The following GHR variants were observed in gnomAD, a reference collection of about 807,000 sequenced individuals.
The protein encoded by GHR is GH receptor.
In GHR, 35 loss-of-function variants were observed where a neutral mutation model predicts 67.1. That is an observed-to-expected ratio of 0.52 (90% CI 0.40 to 0.69). GHR has a LOEUF of 0.69. Ranked by LOEUF, GHR falls within the 30% of genes least tolerant of loss-of-function variation. GHR has a pLI of 0.00. For synonymous variants in GHR, 272 were observed against 269.1 expected (o/e 1.01, Z -0.10); for missense variants, 792 against 764.6 (o/e 1.04, Z -0.42).
chr5:42,603,635 C>A (rs992458728), intron 2 of GHR, among the ~76,000 whole-genome samples: 1 of 152,038 alleles, frequency 6.6e-6, no homozygotes, highest in African/African-American at 2.4e-5. Context: ...CTCTTGAATA[C>A]CTTCTGAGTA....
At position 42,719,155 on chromosome 5, in the gene GHR, A is replaced by G. The variant is rs1358133286; in HGVS notation, c.1648A>G (p.Ile550Val). ...AKKCIPVAPH[I>V]KVESHIQPSL... ...AAAGTGCATCCCTGTGGCTCCTCACATCAAGGTTGAATCACACATACAGCC... is the reference window on the plus strand; with the variant it reads ...AAAGTGCATCCCTGTGGCTCCTCACGTCAAGGTTGAATCACACATACAGCC... Residue 550 changes from isoleucine (I) to valine (V), a missense_variant, in exon 10 of 10, where the codon ATC (isoleucine) becomes GTC (valine). Ile to Val is a conservative substitution (Grantham distance 29, BLOSUM62 3). Coordinates refer to ENST00000230882, the MANE Select transcript of GHR (RefSeq NM_000163.5). 6.2e-7 allele frequency: 1 copy of G among 1,614,022 alleles called. No individual in the cohort carries two copies. The highest frequency in any genetic ancestry group is 8.5e-7 in the Non-Finnish European group (1 of 1,180,018).
intron 8 of GHR, 198 bp downstream of exon 8, chr5:42,713,717 G>A (rs1016794207): frequency 6.0e-6 from 3 of 502,148 alleles, no homozygotes; most frequent in African/African-American, 5.8e-5. Flanking sequence ...ACAATTTAGA[G>A]GTTTAGATTC....
chr5:42,594,531 T>G (rs955001483), intron 2 of GHR, among the ~76,000 whole-genome samples: 12 of 152,208 alleles, frequency 7.9e-5, no homozygotes, highest in African/African-American at 2.9e-4. Flanking sequence ...TCATTATTAG[T>G]GCTATGTTTA....
chr5:42,690,583 T>A (rs1333566185), intron 4 of GHR, among the ~76,000 whole-genome samples: 1 of 152,212 alleles, frequency 6.6e-6, no homozygotes, highest in Non-Finnish European at 1.5e-5. Flanking sequence ...AGTAAATTGT[T>A]ATAATTATTT....
chr5:42,461,113 G>T (rs1371058500), intron 1 of GHR, among the ~76,000 whole-genome samples: 1 of 152,166 alleles, frequency 6.6e-6, no homozygotes, highest in Non-Finnish European at 1.5e-5. Flanking sequence ...AAGGGACAGA[G>T]GTGATTTATA....
intron 1 of GHR, among the ~76,000 whole-genome samples, chr5:42,526,078 A>G (rs578167860): frequency 1.3e-5 from 2 of 152,324 alleles, no homozygotes; most frequent in African/African-American, 4.8e-5. Flanking sequence ...AAGCCAATAT[A>G]GGCTAAAAGC....
At chr5:42,626,104 T>C (rs4590183) in intron 2 of GHR, among the ~76,000 whole-genome samples, 50,138 of 151,972 alleles carry the variant, frequency 0.33, 9,288 homozygotes, top group African/African-American at 0.51. Flanking sequence ...TAGTCCTCGG[T>C]GGGAATCTCT....
At chr5:42,542,668 T>C (rs1419313246) in intron 1 of GHR, among the ~76,000 whole-genome samples, 2 of 152,146 alleles carry the variant, frequency 1.3e-5, no homozygotes, top group Non-Finnish European at 2.9e-5. Context: ...GGGGTACAAG[T>C]GATTTTTGGT....
intron 1 of GHR, among the ~76,000 whole-genome samples, chr5:42,476,905 A>C (rs1199124323): frequency 2.0e-5 from 3 of 152,080 alleles, no homozygotes; most frequent in Admixed American, 2.0e-4. Flanking sequence ...ATAATACTTT[A>C]AGTTTTAGTG....
chr5:42,629,671 GGCT>G (rs1009050934), intron 3 of GHR, among the ~76,000 whole-genome samples: 1 of 131,390 alleles, frequency 7.6e-6, no homozygotes, highest in Non-Finnish European at 1.6e-5. Context: ...TTCTGTGCAA[GGCT>G]GCTTTTTTTT....
chr5:42,466,901 G>A, intron 1 of GHR: 1 of 1,479,892 alleles, frequency 6.8e-7, no homozygotes, highest in Non-Finnish European at 9.0e-7. Flanking sequence ...TCAACAAGAT[G>A]GGTTCTGTGG....
intron 3 of GHR, among the ~76,000 whole-genome samples, chr5:42,666,207 C>T (rs900236195): frequency 3.6e-5 from 5 of 138,482 alleles, no homozygotes; most frequent in Admixed American, 6.9e-5. Flanking sequence ...CTATCACTTT[C>T]AAATATAATG....
chr5:42,619,964 G>GA (rs1460024176), intron 2 of GHR: 33 of 152,214 alleles, frequency 2.2e-4, no homozygotes, highest in Admixed American at 2.0e-3. Flanking sequence ...ACCAAGCAAC[G>GA]AGCACCACAT....
chr5:42,710,762 T>A (rs968080713), intron 6 of GHR, among the ~76,000 whole-genome samples: 1 of 152,190 alleles, frequency 6.6e-6, no homozygotes, highest in Non-Finnish European at 1.5e-5. Flanking sequence ...GGAATTTCCA[T>A]CAAACACTGA....
chr5:42,540,759 A>C (rs566478609), intron 1 of GHR, among the ~76,000 whole-genome samples: 7 of 151,158 alleles, frequency 4.6e-5, no homozygotes, highest in Middle Eastern at 3.4e-3. Context: ...TGCAACAACC[A>C]CAAACTACAT....
At chr5:42,712,577 G>A (rs933869309) in intron 7 of GHR, among the ~76,000 whole-genome samples, 4 of 151,926 alleles carry the variant, frequency 2.6e-5, no homozygotes, top group East Asian at 3.9e-4. Flanking sequence ...TTTTAAATAA[G>A]AAAAGACTAT....
At chr5:42,680,359 T>G (rs1756797813) in intron 3 of GHR, among the ~76,000 whole-genome samples, 1 of 152,230 alleles carries the variant, frequency 6.6e-6, no homozygotes, top group Admixed American at 6.5e-5. Context: ...AACTGACCCT[T>G]GTTTGACTGC....
At chr5:42,462,343 T>A (rs1439247144) in intron 1 of GHR, among the ~76,000 whole-genome samples, 2 of 152,230 alleles carry the variant, frequency 1.3e-5, no homozygotes, top group East Asian at 3.9e-4. Flanking sequence ...ATAGGAATGA[T>A]GAAGTCATTC....
At chr5:42,460,403 A>G (rs1744437820) in intron 1 of GHR, among the ~76,000 whole-genome samples, 1 of 152,232 alleles carries the variant, frequency 6.6e-6, no homozygotes. Flanking sequence ...TTTACTAGCT[A>G]ACACATTACA....
Sources: gnomAD v4.1 joint callset for allele counts (sites outside exome capture counted in the v4.1 genomes callset) on GRCh38, gnomAD v4.1.1 for gene constraint, MANE v1.5 for transcripts, NCBI Gene and HGNC (gene_info 2026-07-23, HGNC 2026-07-21) for gene names.